Variants in ALLC observed in about 807,000 individuals in gnomAD.
ALLC encodes the protein probable inactive allantoicase.
In ALLC, 40 loss-of-function variants were observed where a neutral mutation model predicts 45.0. The ratio of observed to expected loss-of-function variants is 0.89; its 90% confidence interval spans 0.69 to 1.16. The LOEUF is 1.16. Among genes scored for constraint, ALLC ranks in the 50% most tolerant of loss-of-function variants. The pLI is 0.00. For missense variants in ALLC, 488 were observed against 493.1 expected (o/e 0.99, Z 0.10); for synonymous variants, 176 against 178.1 (o/e 0.99, Z 0.09).
chr2:3,651,219 C>T, the ALLC span, among the ~76,000 whole-genome samples: 1 of 151,118 alleles, frequency 6.6e-6, no homozygotes, highest in South Asian at 2.1e-4. Context: ...ACGAGGACGG[C>T]GGCGCCCACA....
intron 1 of ALLC, among the ~76,000 whole-genome samples, chr2:3,665,123 C>T (rs1666671617): frequency 6.6e-6 from 1 of 152,118 alleles, no homozygotes; most frequent in Non-Finnish European, 1.5e-5. Flanking sequence ...TCGGGTGGTG[C>T]CTGTCGCAGC....
At chr2:3,685,062 C>G (rs563017005) in intron 7 of ALLC, among the ~76,000 whole-genome samples, 31 of 152,134 alleles carry the variant, frequency 2.0e-4, no homozygotes, top group Non-Finnish European at 3.2e-4. Flanking sequence ...GATTTACTTT[C>G]TTTTGGATAT....
chr2:3,669,399 A>G (rs1204006204), intron 1 of ALLC, among the ~76,000 whole-genome samples: 4 of 151,964 alleles, frequency 2.6e-5, no homozygotes, highest in African/African-American at 9.7e-5. Context: ...GCTTGAACCC[A>G]GGAGGCGGCG....
rs191933790 is a variant in ALLC, at chr2:3,681,113, G to A, written c.299-521G>A. Among the ~76,000 whole-genome samples, 15 of 152,282 alleles carry A rather than the reference G, an allele frequency of 9.9e-5. No individual in the cohort carries two copies. In the East Asian group the frequency reaches 2.7e-3, roughly 27 times the overall value. On this transcript the variant is annotated intron_variant, in intron 5 of 11. Coordinates refer to ENST00000252505, the MANE Select transcript of ALLC (RefSeq NM_018436.4). ...TGCATGAGGCTCTGTGGACACGAACGGGCCCTGCTCCCTGAAGATGGCTGG... is the reference window on the plus strand; with the variant it reads ...TGCATGAGGCTCTGTGGACACGAACAGGCCCTGCTCCCTGAAGATGGCTGG...
At position 3,702,465 on chromosome 2, in the gene ALLC, C is replaced by T. The variant is rs764917648; in HGVS notation, c.1078C>T (p.Arg360Cys). Residue 360 changes from arginine (R) to cysteine (C), a missense_variant, in exon 12 of 12, where the codon CGC becomes TGC. Transcript: ENST00000252505. Reference sequence around the variant, plus strand: ...CATCGTCCCCGACGGGGGAGTGAGCCGCCTTCGGCTCCGGGGCTTCCCCAG... The same window carrying T: ...CATCGTCCCCGACGGGGGAGTGAGCTGCCTTCGGCTCCGGGGCTTCCCCAG... Reference protein sequence around the residue: ...LTIVPDGGVSRLRLRGFPSSI... With the variant: ...LTIVPDGGVSCLRLRGFPSSI... The T allele has an allele frequency of 4.3e-6, 7 of 1,612,764 alleles. No homozygotes were observed. The highest frequency in any genetic ancestry group is 1.7e-4 in the Middle Eastern group (1 of 6,060).
chr2:3,651,321 GTGTGTGTGTGT>G, the ALLC span, among the ~76,000 whole-genome samples: 1 of 1,716 alleles, frequency 5.8e-4, no homozygotes, highest in African/African-American at 2.1e-3. Context: ...GGTGGGGGGG[GTGTGTGTGTGT>G]GTGTGTGTGT....
intron 1 of ALLC, among the ~76,000 whole-genome samples, chr2:3,658,986 C>T (rs565773578): frequency 2.0e-4 from 30 of 152,102 alleles, no homozygotes; most frequent in Non-Finnish European, 3.5e-4. Context: ...CAAGAGTTGC[C>T]GGTAGTCAGG....
At chr2:3,662,343 G>A (rs1350728578) in intron 1 of ALLC, among the ~76,000 whole-genome samples, 2 of 152,182 alleles carry the variant, frequency 1.3e-5, no homozygotes, top group African/African-American at 4.8e-5. Flanking sequence ...AGCACACCCT[G>A]CTCACCCAGG....
At position 3,701,044 on chromosome 2, in the gene ALLC, G is replaced by A. The variant is rs555000089; in HGVS notation, c.851-468G>A. Among the ~76,000 whole-genome samples, 157 of 152,272 alleles carry A rather than the reference G, an allele frequency of 1.0e-3. 1 individual carries two copies. Among genetic ancestry groups the A allele is most frequent in the African/African-American group, 3.4e-3 (143 of 41,550 alleles). On this transcript the variant is annotated intron_variant, in intron 10 of 11. Coordinates refer to ENST00000252505, the MANE Select transcript of ALLC (RefSeq NM_018436.4). ...ATGACTCAGAAATCCCCAAATACAC[G>A]TGTGTGGCTGGTGCCCAGCGCTAGC...
intron 7 of ALLC, among the ~76,000 whole-genome samples, chr2:3,690,110 A>G (rs1431561386): frequency 6.7e-6 from 1 of 148,798 alleles, no homozygotes; most frequent in Non-Finnish European, 1.5e-5. Flanking sequence ...TCTTGTAGGC[A>G]GCATATAGTT....
chr2:3,645,898 C>T, the ALLC span, among the ~76,000 whole-genome samples: 7 of 152,112 alleles, frequency 4.6e-5, no homozygotes, highest in Non-Finnish European at 2.9e-5. The surrounding 1 kb of genome is among the most constrained non-coding windows in gnomAD (Gnocchi z 4.3). Context: ...AGCTGGCTCC[C>T]AGGGGTGGGT....
At chr2:3,687,011 C>T (rs1360976908) in intron 7 of ALLC, among the ~76,000 whole-genome samples, 2 of 150,956 alleles carry the variant, frequency 1.3e-5, no homozygotes, top group Admixed American at 6.6e-5. Flanking sequence ...TGTCTTGTTC[C>T]GGATCTTAGA....
chr2:3,651,430 T>A, the ALLC span, among the ~76,000 whole-genome samples: 9 of 59,666 alleles, frequency 1.5e-4, no homozygotes, highest in Admixed American at 4.7e-4. Context: ...TGTGTGTGTG[T>A]GTGTGTGTGT....
chr2:3,679,419 G>A (rs973542730), intron 4 of ALLC, among the ~76,000 whole-genome samples: 1 of 152,236 alleles, frequency 6.6e-6, no homozygotes, highest in Admixed American at 6.5e-5. Context: ...CACAGTGTCT[G>A]CAGGAGAACC....
rs1197967453 is a variant in ALLC at position 3,671,747 on chromosome 2, C to G, written c.33+557C>G. 3.6e-5 allele frequency among the ~76,000 whole-genome samples: 5 copies of G among 140,574 alleles called. No homozygotes were observed. In the East Asian group the frequency reaches 6.0e-4, roughly 17 times the overall value. The allele number at this position is 140,574 out of a possible 152,430, so 92.2% of individuals were successfully genotyped here. Reference sequence around the variant, plus strand: ...TCTGGTTAGATGGGAGGTCCTCTGGCTCTGGTTAGATCGGAGGTCCTCTGG... The same window carrying G: ...TCTGGTTAGATGGGAGGTCCTCTGGGTCTGGTTAGATCGGAGGTCCTCTGG... On this transcript the variant is annotated intron_variant, in intron 2 of 11. Coordinates refer to ENST00000252505, the MANE Select transcript of ALLC (RefSeq NM_018436.4).
chr2:3,678,096 T>C (rs369202837), intron 3 of ALLC, among the ~76,000 whole-genome samples: 47 of 152,308 alleles, frequency 3.1e-4, no homozygotes, highest in African/African-American at 1.1e-3. Flanking sequence ...GAATTCCTGA[T>C]TGAATAGTCT....
chr2:3,701,589 T>A lies in ALLC; in HGVS notation c.928T>A (p.Trp310Arg). 1 of 1,610,154 alleles carries A rather than the reference T, an allele frequency of 6.2e-7. No individual in the cohort carries two copies. The highest frequency in any genetic ancestry group is 1.1e-5 in the South Asian group (1 of 89,798). The change falls in exon 11 of 12, where the codon TGG becomes AGG. Residue 310 changes from tryptophan to arginine, a missense_variant. Transcript: ENST00000252505. Reference sequence around the variant, plus strand: ...AGAAGAAGCCGTGATCAGGCAAAAGTGGATTCTCCCGGCCCACAAGTGGAA... The same window carrying A: ...AGAAGAAGCCGTGATCAGGCAAAAGAGGATTCTCCCGGCCCACAAGTGGAA... ...QEEEAVIRQK[W>R]ILPAHKWKPL...
Position 3,686,078 on chromosome 2 carries a change from C to T in ALLC, c.511+3004C>T, listed in dbSNP as rs776695064. 9.3e-5 allele frequency among the ~76,000 whole-genome samples: 14 copies of T among 150,882 alleles called. 1 individual carries two copies. The highest frequency in any genetic ancestry group is 2.2e-4 in the African/African-American group (9 of 41,310). On this transcript the variant is annotated intron_variant, in intron 7 of 11. Coordinates refer to ENST00000252505, the MANE Select transcript of ALLC (RefSeq NM_018436.4). ...CAAGACCAATGTCCTAGAGCATTTC[C>T]CCAAGGTTTTCTTCTAGAATGTTCA...
intron 3 of ALLC, among the ~76,000 whole-genome samples, chr2:3,675,597 T>TACAC (rs1297201573): frequency 6.6e-6 from 1 of 151,568 alleles, no homozygotes; most frequent in African/African-American, 2.4e-5. Flanking sequence ...TATATATATA[T>TACAC]ATACACACAC....
Sources: allele counts gnomAD v4.1 joint callset (sites outside exome capture counted in the v4.1 genomes callset), GRCh38; gene constraint gnomAD v4.1.1; non-coding constraint Gnocchi (gnomAD v3.1); transcripts MANE v1.5; gene names NCBI Gene and HGNC (gene_info 2026-07-23, HGNC 2026-07-21).